Variants in KIF1C observed in about 807,000 individuals in gnomAD.
KIF1C encodes the protein kinesin-like protein KIF1C.
In KIF1C, 61 loss-of-function variants were observed where a neutral mutation model predicts 126.5. The observed-to-expected ratio is 0.48, with a 90% confidence interval of 0.39 to 0.60. The LOEUF is 0.60. KIF1C is among the 20% of genes least tolerant of loss of function. KIF1C has a pLI of 0.00. For missense variants in KIF1C, 1,315 were observed against 1,489.2 expected (o/e 0.88, Z 1.93); for synonymous variants, 640 against 580.6 (o/e 1.10, Z -1.47).
intron 18 of KIF1C, among the ~76,000 whole-genome samples, chr17:5,015,544 G>A (rs537669600): frequency 9.4e-4 from 137 of 145,028 alleles, no homozygotes; most frequent in Non-Finnish European, 1.6e-3. Context: ...TCGGCCTTCC[G>A]AAGTGCTGGG....
intron 16 of KIF1C, among the ~76,000 whole-genome samples, chr17:5,012,254 A>G (rs1974882727): frequency 6.6e-6 from 1 of 152,138 alleles, no homozygotes; most frequent in Non-Finnish European, 1.5e-5. Context: ...GTCCTTCTGC[A>G]GCAGAGGCAG....
rs1567722989 is a variant in KIF1C at position 5,007,585 on chromosome 17, A to T, written c.1491+43A>T. 5 of 1,483,406 alleles carry T rather than the reference A, an allele frequency of 3.4e-6. No homozygotes were observed. In the South Asian group the frequency reaches 6.8e-5, roughly 20 times the overall value. 91.9% of individuals were successfully genotyped at this position (1,483,406 alleles called of 1,614,324 possible). On this transcript the variant is annotated intron_variant, in intron 16 of 22. Transcript: ENST00000320785. ...CGAGGAGGCCTAGAGAGCTCTCTGG[A>T]TGCCTAGAAAAGAGGCAGCAGGTGC...
Position 5,002,047 on chromosome 17 carries a change from G to A in KIF1C, c.364-12G>A, listed in dbSNP as rs1974607183. On this transcript the variant is annotated splice_polypyrimidine_tract_variant and intron_variant, in intron 5 of 22. Coordinates refer to ENST00000320785, the MANE Select transcript of KIF1C (RefSeq NM_006612.6). ...CAGGAGCTTCTCTGTATTTCCCTGT[G>A]TCCCCCTCCAGCTCTGTGAGGACCT... The A allele has an allele frequency of 1.2e-6, 2 of 1,613,522 alleles. No homozygotes were observed.
intron 13 of KIF1C, among the ~76,000 whole-genome samples, chr17:5,005,474 G>A (rs945103369): frequency 6.6e-6 from 1 of 152,098 alleles, no homozygotes; most frequent in Non-Finnish European, 1.5e-5. Context: ...CCATGTTGAC[G>A]GTCAGGAATG....
Position 5,023,716 on chromosome 17 carries a change from CG to C in KIF1C, c.2883del (p.Leu962CysfsTer126). On this transcript the variant is annotated frameshift_variant, in exon 23 of 23. Transcript: ENST00000320785. LOFTEE classifies it high-confidence loss of function. This position sits in a 1 kb window ranked among gnomAD's most constrained non-coding sequence, Gnocchi z 4.2. Reference sequence around the variant, plus strand: ...GACTGCAGGGCTCTGGGGGCCGGGGCGGGGGGCTGCGCAGGCCCCCAGCCCG... The same window carrying C: ...GACTGCAGGGCTCTGGGGGCCGGGGCGGGGGCTGCGCAGGCCCCCAGCCCG... ...QGLQGSGGRG[G>X]GLRRPPARFV... 4 of 1,548,916 alleles carry C rather than the reference CG, an allele frequency of 2.6e-6. No individual in the cohort carries two copies. Among genetic ancestry groups the C allele is most frequent in the Non-Finnish European group, 3.5e-6 (4 of 1,149,146 alleles).
chr17:5,022,039 A>G lies in KIF1C; in HGVS notation c.2011-53A>G, dbSNP rs994429846. On this transcript the variant is annotated intron_variant, in intron 21 of 22. Transcript: ENST00000320785. This position sits in a 1 kb window ranked among gnomAD's most constrained non-coding sequence, Gnocchi z 4.9. The stretch of plus-strand genomic sequence containing the variant: ...CTTAGGACACACTGGGCCAAGACAC[A>G]TGGGCTCTGGATGTCCTTAGCCCTC... The G allele has an allele frequency of 1.3e-6, 2 of 1,533,242 alleles. No individual in the cohort carries two copies. The highest frequency in any genetic ancestry group is 1.8e-6 in the Non-Finnish European group (2 of 1,139,142). 95.0% of individuals were successfully genotyped at this position (1,533,242 alleles called of 1,614,324 possible). A position where few individuals can be genotyped will look rare whatever the true frequency, so the allele number is the denominator to read the frequency against.
chr17:5,021,268 G>A (rs1392278238), intron 21 of KIF1C, among the ~76,000 whole-genome samples: 1 of 149,794 alleles, frequency 6.7e-6, no homozygotes, highest in African/African-American at 2.5e-5. Context: ...CGCCTCCTGG[G>A]TTCAAGCGAT....
chr17:5,020,203 A>G lies in KIF1C; in HGVS notation c.1750+124A>G, dbSNP rs1975058407. On this transcript the variant is annotated intron_variant, in intron 19 of 22. Coordinates refer to ENST00000320785, the MANE Select transcript of KIF1C (RefSeq NM_006612.6). This position sits in a 1 kb window ranked among gnomAD's most constrained non-coding sequence, Gnocchi z 5.8. ...AATACATCAGAAATAGCACGGGGAT[A>G]TAAAGAAGGAACTGGGAAGTGAAGG... 2.2e-5 allele frequency: 17 copies of G among 786,456 alleles called. 1 individual carries two copies. The South Asian group carries it at 2.4e-4, about 11-fold the overall frequency. 48.7% of individuals were successfully genotyped at this position (786,456 alleles called of 1,614,324 possible).
In KIF1C at chr17:5,003,863, A is replaced by G. The variant is rs1974664200; in HGVS notation, c.811A>G (p.Ile271Val). Residue 271 changes from isoleucine (I) to valine (V), a missense_variant, in exon 10 of 23, where the codon ATC becomes GTC. Ile to Val is a conservative substitution (Grantham distance 29, BLOSUM62 3). Around this residue, in one of 2 missense-constraint regions of KIF1C, gnomAD observed 874 missense variants for 1,053.2 expected, o/e 0.83. Transcript: ENST00000320785. ...RGMRLKEGANINKSLTTLGKV... is the reference protein window; with the variant it reads ...RGMRLKEGANVNKSLTTLGKV... The stretch of plus-strand genomic sequence containing the variant: ...CATCCTTTTCCAGGAAGGAGCCAAC[A>G]TCAATAAGTCCCTGACTACACTAGG... The G allele has an allele frequency of 6.2e-7, 1 of 1,613,868 alleles. No individual in the cohort carries two copies. Among genetic ancestry groups the G allele is most frequent in the Non-Finnish European group, 8.5e-7 (1 of 1,179,782 alleles).
chr17:5,005,663 A>G (rs989840322), intron 13 of KIF1C, among the ~76,000 whole-genome samples: 14 of 152,134 alleles, frequency 9.2e-5, no homozygotes, highest in Admixed American at 1.3e-4. Flanking sequence ...TTTATCCCAG[A>G]GGGCAGAACT....
In KIF1C at chr17:5,021,283, A is replaced by G. The variant is rs1028664994; in HGVS notation, c.2010+405A>G. ...CGCCTCCTGGGTTCAAGCGATTCTC[A>G]TGCCTCAGCCTCCCCAGTAGCTGGG... On this transcript the variant is annotated intron_variant, in intron 21 of 22. Transcript: ENST00000320785. Among the ~76,000 whole-genome samples, 3 of 142,102 alleles carry G rather than the reference A, an allele frequency of 2.1e-5. No individual in the cohort carries two copies. The Admixed American group carries it at 2.4e-4, about 11-fold the overall frequency. 93.2% of individuals were successfully genotyped at this position (142,102 alleles called of 152,430 possible). A position where few individuals can be genotyped will look rare whatever the true frequency, so the allele number is the denominator to read the frequency against.
At position 5,024,924 on chromosome 17, in the gene KIF1C, T is replaced by TC. The variant is rs1378534458; in HGVS notation, c.*773_*774insC. On this transcript the variant is annotated 3_prime_UTR_variant, in exon 23 of 23. Coordinates refer to ENST00000320785, the MANE Select transcript of KIF1C (RefSeq NM_006612.6). The stretch of plus-strand genomic sequence containing the variant: ...CCGATCTTTTCCCCGCTTTTTTTTT[T>TC]TGGGAGACAGGGTCTTGCTTTGTTG... The TC allele has an allele frequency of 1.3e-5, 2 of 152,138 alleles. No individual in the cohort carries two copies. Among genetic ancestry groups the TC allele is most frequent in the African/African-American group, 4.8e-5 (2 of 41,372 alleles). The allele number at this position is 152,138 out of a possible 1,614,324, so 9.4% of individuals were successfully genotyped here. A position where few individuals can be genotyped will look rare whatever the true frequency, so the allele number is the denominator to read the frequency against.
chr17:5,014,781 A>T lies in KIF1C; in HGVS notation c.1610A>T (p.Gln537Leu). ...QVDMDIKLTG[Q>L]FIREQHCLFR... Reference sequence around the variant, plus strand: ...GATATGGACATCAAGCTGACCGGACAGTTCATTCGGGAGCAACACTGTCTG... The same window carrying T: ...GATATGGACATCAAGCTGACCGGACTGTTCATTCGGGAGCAACACTGTCTG... The change falls in exon 18 of 23, where the codon CAG becomes CTG. Residue 537 changes from glutamine (Q) to leucine (L), a missense_variant. By Grantham distance (113) the Gln-to-Leu change is moderately radical. This residue lies in a region of KIF1C where 874 missense variants were observed against 1,053.2 expected (regional missense o/e 0.83). Coordinates refer to ENST00000320785, the MANE Select transcript of KIF1C (RefSeq NM_006612.6). The T allele has an allele frequency of 6.2e-7, 1 of 1,602,176 alleles. No individual in the cohort carries two copies. The highest frequency in any genetic ancestry group is 8.5e-7 in the Non-Finnish European group (1 of 1,174,920).
At position 5,023,848 on chromosome 17, in the gene KIF1C, C is replaced by G. The variant is rs1975147228; in HGVS notation, c.3009C>G (p.Leu1003=). 1 of 1,520,536 alleles carries G rather than the reference C, an allele frequency of 6.6e-7. No homozygotes were observed. Among genetic ancestry groups the G allele is most frequent in the Non-Finnish European group, 8.8e-7 (1 of 1,134,914 alleles). The allele number at this position is 1,520,536 out of a possible 1,614,324, so 94.2% of individuals were successfully genotyped here. A position where few individuals can be genotyped will look rare whatever the true frequency, so the allele number is the denominator to read the frequency against. The change falls in exon 23 of 23, where the codon CTC becomes CTG. Residue 1003 remains leucine, a synonymous_variant. Transcript: ENST00000320785. The surrounding 1 kb of genome is among the most constrained non-coding windows in gnomAD (Gnocchi z 4.2). ...GGAGCGGGGAGGCTCCAACTCCGCT[C>G]CAACCCCCTGAGGAGGTCACTCCCC... ...GMGSGEAPTP[L]QPPEEVTPHP... is the part of the protein sequence containing the mutation.
chr17:5,015,004 G>GAA (rs1340016098), intron 18 of KIF1C, among the ~76,000 whole-genome samples, 167 bp downstream of exon 18: 1 of 152,184 alleles, frequency 6.6e-6, no homozygotes, highest in African/African-American at 2.4e-5. Flanking sequence ...ATGAATGGAG[G>GAA]AATACCACAG....
rs1975099890 is a variant in KIF1C, at chr17:5,022,024, AC to A, written c.2011-67del. 2 of 1,509,868 alleles carry A rather than the reference AC, an allele frequency of 1.3e-6. No homozygotes were observed. Among genetic ancestry groups the A allele is most frequent in the Non-Finnish European group, 1.8e-6 (2 of 1,127,602 alleles). The allele number at this position is 1,509,868 out of a possible 1,614,324, so 93.5% of individuals were successfully genotyped here. A position where few individuals can be genotyped will look rare whatever the true frequency, so the allele number is the denominator to read the frequency against. On this transcript the variant is annotated intron_variant, in intron 21 of 22. Coordinates refer to ENST00000320785, the MANE Select transcript of KIF1C (RefSeq NM_006612.6). This position sits in a 1 kb window ranked among gnomAD's most constrained non-coding sequence, Gnocchi z 4.9. ...CGTGTTTCCAGTGTACTTAGGACAC[AC>A]TGGGCCAAGACACATGGGCTCTGGA...
chr17:5,011,215 G>A (rs915461526), intron 16 of KIF1C, among the ~76,000 whole-genome samples: 1 of 152,188 alleles, frequency 6.6e-6, no homozygotes, highest in African/African-American at 2.4e-5. Context: ...GACTCATGGG[G>A]AAATGGGTTT....
chr17:5,022,253 G>T lies in KIF1C; in HGVS notation c.2172G>T (p.Arg724Ser), dbSNP rs1316030701. The T allele has an allele frequency of 6.2e-7, 1 of 1,614,162 alleles. No homozygotes were observed. Among genetic ancestry groups the T allele is most frequent in the East Asian group, 2.2e-5 (1 of 44,882 alleles). Residue 724 changes from arginine (R) to serine (S), a missense_variant, in exon 22 of 23, where the codon AGG becomes AGT. By Grantham distance (110) the Arg-to-Ser change is moderately radical (BLOSUM62 -1). Around this residue, in one of 2 missense-constraint regions of KIF1C, gnomAD observed 874 missense variants for 1,053.2 expected, o/e 0.83. Coordinates refer to ENST00000320785, the MANE Select transcript of KIF1C (RefSeq NM_006612.6). The surrounding 1 kb of genome is among the most constrained non-coding windows in gnomAD (Gnocchi z 4.9). ...PSSGKRRAPRRVYQIPQRRRL... is the reference protein window; with the variant it reads ...PSSGKRRAPRSVYQIPQRRRL... ...GTGGCAAGCGCAGGGCCCCTCGCAG[G>T]GTTTATCAGATCCCCCAGCGACGCA...
Position 5,007,508 on chromosome 17 carries a change from A to T in KIF1C, c.1457A>T (p.Asp486Val), listed in dbSNP as rs1173171673. 2 of 1,570,266 alleles carry T rather than the reference A, an allele frequency of 1.3e-6. No individual in the cohort carries two copies. The highest frequency in any genetic ancestry group is 1.7e-6 in the Non-Finnish European group (2 of 1,158,126). The change falls in exon 16 of 23, where the codon GAT (aspartate) becomes GTT (valine). Residue 486 changes from aspartate (D) to valine (V), a missense_variant. Asp to Val is a radical substitution (Grantham distance 152). This residue lies in a region of KIF1C where 874 missense variants were observed against 1,053.2 expected (regional missense o/e 0.83). Transcript: ENST00000320785. ...GAGATGGGGGTGGCCGTCCGGGAGG[A>T]TGGGGGAACTGTGGGCGTCTTCTCT... Reference protein sequence around the residue: ...LAEMGVAVREDGGTVGVFSPK... With the variant: ...LAEMGVAVREVGGTVGVFSPK...
Sources: allele counts gnomAD v4.1 joint callset (sites outside exome capture counted in the v4.1 genomes callset), GRCh38; gene constraint gnomAD v4.1.1; regional missense constraint gnomAD v4.1.1; non-coding constraint Gnocchi (gnomAD v3.1); transcripts MANE v1.5; gene names NCBI Gene and HGNC (gene_info 2026-07-23, HGNC 2026-07-21).